The following OTOG variants were observed in gnomAD, a reference collection of about 807,000 sequenced individuals.
OTOG encodes the protein otogelin.
In OTOG, 296 loss-of-function variants were observed where a neutral mutation model predicts 313.8. The ratio of observed to expected loss-of-function variants is 0.94; its 90% CI spans 0.86 to 1.04. OTOG has a LOEUF of 1.04. Ranked by LOEUF, OTOG falls within the 50% of genes least tolerant of loss-of-function variation. The pLI, the probability that OTOG is intolerant of heterozygous loss-of-function variation, is 0.00. For missense variants in OTOG, 3,948 were observed against 3,840.1 expected, an observed-to-expected ratio of 1.03 and a Z score of -0.74; for synonymous variants, 1,533 against 1,554.9, an observed-to-expected ratio of 0.99 and a Z score of 0.33.
At chr11:17,614,315 G>T (rs1853671800) in intron 39 of OTOG, among the ~76,000 whole-genome samples, 1 of 152,202 alleles carries the variant, frequency 6.6e-6, no homozygotes, top group South Asian at 2.1e-4. Context: ...CTTGAACACA[G>T]GGTGCGGCAC....
intron 3 of OTOG, among the ~76,000 whole-genome samples, chr11:17,548,776 C>T (rs1273673090): frequency 1.3e-5 from 2 of 151,778 alleles, no homozygotes; most frequent in African/African-American, 4.8e-5. Context: ...GGAGTGCAGT[C>T]GCATAATCAT....
rs1283784905 is a variant in OTOG at position 17,596,022 on chromosome 11, T to G, written c.3409-16T>G. 1 of 1,535,448 alleles carries G rather than the reference T, an allele frequency of 6.5e-7. No homozygotes were observed. Among genetic ancestry groups the G allele is most frequent in the African/African-American group, 1.4e-5 (1 of 72,616 alleles). On this transcript the variant is annotated splice_polypyrimidine_tract_variant and intron_variant, in intron 28 of 55. Transcript: ENST00000399397. ...TGGCAAGTAGGGAGGTCAACAGCCC[T>G]GCCTTTGCCCCTCAGTGCCCAGACA...
intron 44 of OTOG, 73 bp from the exon 45 acceptor site, chr11:17,634,771 C>T: frequency 7.6e-7 from 1 of 1,312,862 alleles, no homozygotes; most frequent in Non-Finnish European, 1.1e-6. Flanking sequence ...GGGCAGTTGT[C>T]CAGTGTTCTC....
At chr11:17,605,742 C>A in intron 32 of OTOG, 115 bp from the exon 33 acceptor site, 2 of 1,189,984 alleles carry the variant, frequency 1.7e-6, no homozygotes, top group Non-Finnish European at 2.3e-6. Flanking sequence ...GCCTGCTGGT[C>A]TGCAGGCGTG....
intron 48 of OTOG, chr11:17,639,044 C>T (rs1565130086): frequency 3.2e-6 from 1 of 313,306 alleles, no homozygotes; most frequent in South Asian, 3.5e-5. Flanking sequence ...CAGAGTGAGA[C>T]TCCATCTCAA....
At chr11:17,577,382 G>A (rs1384348926) in intron 22 of OTOG, among the ~76,000 whole-genome samples, 2 of 151,648 alleles carry the variant, frequency 1.3e-5, no homozygotes, top group East Asian at 1.9e-4. Flanking sequence ...GTGGTCGTGG[G>A]ATGGGGGTCA....
At chr11:17,638,728 C>T in intron 48 of OTOG, 179 bp downstream of exon 48, 1 of 1,545,492 alleles carries the variant, frequency 6.5e-7, no homozygotes. Flanking sequence ...GCTGAGCATT[C>T]CTACAGCCTT....
intron 15 of OTOG, among the ~76,000 whole-genome samples, chr11:17,567,624 G>A (rs193167470): frequency 2.1e-4 from 32 of 152,296 alleles, no homozygotes; most frequent in African/African-American, 5.5e-4. Context: ...AGTTACAGGC[G>A]TAAGCCACTG....
chr11:17,566,531 A>T (rs1251686391), intron 15 of OTOG, among the ~76,000 whole-genome samples: 1 of 152,230 alleles, frequency 6.6e-6, no homozygotes, highest in Non-Finnish European at 1.5e-5. Flanking sequence ...TGTGCTAAAC[A>T]TGACTTCATA....
At chr11:17,638,825 C>T (rs760165135) in intron 48 of OTOG, 31 of 1,403,660 alleles carry the variant, frequency 2.2e-5, no homozygotes, top group East Asian at 1.8e-4. Context: ...CGGCCGGGCA[C>T]GGTGGCTCAC....
chr11:17,638,382 T>A lies in OTOG; in HGVS notation c.7796-69T>A, dbSNP rs547926008. ...GGGGTAGCCTCTCTTTAGCCAGTGT[T>A]GCCCTTCTGAGGATTCACATCCCCA... On this transcript the variant is annotated intron_variant, in intron 47 of 55. Coordinates refer to ENST00000399397, the MANE Select transcript of OTOG (RefSeq NM_001292063.2). The A allele has an allele frequency of 5.2e-5, 67 of 1,285,866 alleles. 1 individual carries two copies. The South Asian group carries it at 6.3e-4, about 12-fold the overall frequency. The allele number at this position is 1,285,866 out of a possible 1,614,324, so 79.7% of individuals were successfully genotyped here.
chr11:17,586,065 G>T (rs909289331), intron 23 of OTOG, among the ~76,000 whole-genome samples: 1 of 152,178 alleles, frequency 6.6e-6, no homozygotes, highest in African/African-American at 2.4e-5. Flanking sequence ...CAGACTAGAA[G>T]ACAGCAGCAC....
At chr11:17,552,153 G>A in intron 4 of OTOG, 78 bp downstream of exon 4, 1 of 1,401,212 alleles carries the variant, frequency 7.1e-7, no homozygotes, top group East Asian at 2.5e-5. Context: ...CAGAGGGCAG[G>A]TGGGGCTTCC....
intron 23 of OTOG, among the ~76,000 whole-genome samples, chr11:17,579,221 A>G (rs1369323873): frequency 6.6e-6 from 1 of 152,146 alleles, no homozygotes; most frequent in Non-Finnish European, 1.5e-5. Context: ...TTATGCAGAG[A>G]TTAGTGGTCA....
Position 17,608,283 on chromosome 11 carries a change from T to G in OTOG, c.4157-13T>G, listed in dbSNP as rs1288414320. The G allele has an allele frequency of 6.6e-7, 1 of 1,507,602 alleles. No homozygotes were observed. Among genetic ancestry groups the G allele is most frequent in the Admixed American group, 2.1e-5 (1 of 46,868 alleles). The allele number at this position is 1,507,602 out of a possible 1,614,324, so 93.4% of individuals were successfully genotyped here. A position where few individuals can be genotyped will look rare whatever the true frequency, so the allele number is the denominator to read the frequency against. On this transcript the variant is annotated splice_polypyrimidine_tract_variant and intron_variant, in intron 33 of 55. Transcript: ENST00000399397. ...CACCTGACCCAGAGTTGCTGCCCCATCTCACTTTCTAGATGCCAAGCCCTC... is the reference window on the plus strand; with the variant it reads ...CACCTGACCCAGAGTTGCTGCCCCAGCTCACTTTCTAGATGCCAAGCCCTC...
intron 42 of OTOG, among the ~76,000 whole-genome samples, chr11:17,632,544 T>C (rs1344656808): frequency 1.3e-5 from 2 of 152,164 alleles, no homozygotes; most frequent in Admixed American, 6.5e-5. Context: ...ACTGTAACCA[T>C]CGCCCCCGCC....
rs560827829 is a variant in OTOG, at chr11:17,553,199, C to T, written c.373C>T (p.Arg125Cys). ...CAGACGCTTCAATGCCACTGGACCG[C>T]GCTGCCAGATGGGTGGGTCTGGGCT... ...DCRRFNATGP[R>C]CQMVYNAGPE... The change falls in exon 5 of 56, where the codon CGC (arginine) becomes TGC (cysteine). Residue 125 changes from arginine to cysteine, a missense_variant. Transcript: ENST00000399397. 38 of 1,550,458 alleles carry T rather than the reference C, an allele frequency of 2.5e-5. No homozygotes were observed. Among genetic ancestry groups the T allele is most frequent in the East Asian group, 9.8e-5 (4 of 40,908 alleles).
In OTOG at chr11:17,641,956, G is replaced by A. The variant is rs1847984835; in HGVS notation, c.8295+5G>A. The A allele has an allele frequency of 6.5e-7, 1 of 1,549,492 alleles. No homozygotes were observed. The highest frequency in any genetic ancestry group is 1.2e-5 in the South Asian group (1 of 83,920). ...GGCACCACCTCCCTGTTCTTGGTAA[G>A]CAGCCCCCTCGCTGCCCACTTAGGA... is the stretch of plus-strand genomic sequence containing the variant. On this transcript the variant is annotated splice_donor_5th_base_variant and intron_variant, in intron 52 of 55. Transcript: ENST00000399397.
intron 42 of OTOG, 61 bp from the exon 43 acceptor site, chr11:17,633,619 C>A: frequency 7.0e-7 from 1 of 1,435,178 alleles, no homozygotes; most frequent in Non-Finnish European, 9.2e-7. Flanking sequence ...TTCTTTCGGC[C>A]CTCAGTGGGG....
Sources: allele counts gnomAD v4.1 joint callset (sites outside exome capture counted in the v4.1 genomes callset), GRCh38; gene constraint gnomAD v4.1.1; transcripts MANE v1.5; gene names NCBI Gene and HGNC (gene_info 2026-07-23, HGNC 2026-07-21).